ANK3: variants seen among roughly 807,000 people sequenced by gnomAD.
ANK3 encodes the protein ankyrin-3.
In ANK3, 57 loss-of-function variants were observed where a neutral mutation model predicts 370.9. That is an observed-to-expected ratio of 0.15 (90% CI 0.12 to 0.19). ANK3 has a LOEUF of 0.19. ANK3 is among the 10% of genes least tolerant of loss of function. The probability of loss-of-function intolerance (pLI) is 1.00; values close to 1 mark genes in which losing one functional copy is unlikely to be tolerated. For synonymous variants in ANK3, 1,929 were observed against 1,946.3 expected (o/e 0.99, Z 0.23); for missense variants, 4,439 against 5,302.1 (o/e 0.84, Z 5.06).
intron 1 of ANK3, among the ~76,000 whole-genome samples, chr10:60,381,328 C>A (rs2061519479): frequency 6.6e-6 from 1 of 152,002 alleles, no homozygotes. Context: ...AGCTTTAATA[C>A]CTGCCTCAGC....
At chr10:60,180,625 AC>A (rs2096144472) in intron 18 of ANK3, among the ~76,000 whole-genome samples, 1 of 72,094 alleles carries the variant, frequency 1.4e-5, no homozygotes, top group South Asian at 3.8e-4. Flanking sequence ...CAAAAAAAAA[AC>A]ATGTTAGAGT....
At chr10:60,152,863 T>C (rs1378785949) in intron 23 of ANK3, among the ~76,000 whole-genome samples, 1 of 152,146 alleles carries the variant, frequency 6.6e-6, no homozygotes, top group Admixed American at 6.5e-5. Flanking sequence ...CTATATATTC[T>C]TTTCCTTCCT....
Position 60,336,457 on chromosome 10 carries a change from C to A in ANK3, c.114+52968G>T, listed in dbSNP as rs2052920532. Among the ~76,000 whole-genome samples the A allele has an allele frequency of 2.6e-5, 4 of 152,128 alleles. No individual in the cohort carries two copies. In the East Asian group the frequency reaches 5.8e-4, roughly 22 times the overall value. ...CTCTTCTCCCAGTGCATTTTTCCTG[C>A]AGGAATGCATTTCTTTTTGCTAGGA... On this transcript the variant is annotated intron_variant, in intron 1 of 43. Transcript: ENST00000280772.
chr10:60,717,242 G>A (rs1296927490), intron 1 of ANK3, among the ~76,000 whole-genome samples: 1 of 151,808 alleles, frequency 6.6e-6, no homozygotes, highest in East Asian at 1.9e-4. Flanking sequence ...TAACCTATTA[G>A]AAGGAAGAAG....
At chr10:60,264,252 T>A (rs573581427) in intron 5 of ANK3, among the ~76,000 whole-genome samples, 1 of 152,276 alleles carries the variant, frequency 6.6e-6, no homozygotes, top group African/African-American at 2.4e-5. Flanking sequence ...TTTGGTTTTC[T>A]TTTCCATTAA....
At position 60,071,164 on chromosome 10, in the gene ANK3, G is replaced by A; in HGVS notation, c.9717C>T (p.Asp3239=). The change falls in exon 37 of 44, where the codon GAC becomes GAT. Residue 3239 remains aspartate (D), a synonymous_variant. Coordinates refer to ENST00000280772, the MANE Select transcript of ANK3 (RefSeq NM_020987.5). ...EREMPNDVSK[D]SNQRPKNNRV... ...TGTTATTTTTGGGTCTTTGGTTAGA[G>A]TCTTTGCTCACGTCATTAGGCATTT... 6.2e-7 allele frequency: 1 copy of A among 1,614,106 alleles called. No individual in the cohort carries two copies. The highest frequency in any genetic ancestry group is 8.5e-7 in the Non-Finnish European group (1 of 1,179,992).
intron 2 of ANK3, among the ~76,000 whole-genome samples, chr10:60,487,596 TC>T (rs201621068): frequency 0.017 from 2,578 of 152,180 alleles, 62 homozygotes; most frequent in Admixed American, 0.073. Flanking sequence ...TATCTCTGGG[TC>T]CCAGCAAAGA....
At chr10:60,511,360 C>T (rs1011768840) in intron 2 of ANK3, among the ~76,000 whole-genome samples, 9 of 151,970 alleles carry the variant, frequency 5.9e-5, no homozygotes, top group South Asian at 2.1e-4. Context: ...AAAATGAATG[C>T]GACTACAAAA....
chr10:60,435,285 A>G (rs1248516206), intron 2 of ANK3, among the ~76,000 whole-genome samples: 2 of 152,170 alleles, frequency 1.3e-5, no homozygotes, highest in South Asian at 4.1e-4. Context: ...ATTTGATGTA[A>G]ATGATATTTT....
intron 2 of ANK3, among the ~76,000 whole-genome samples, chr10:60,570,501 A>C (rs75512684): frequency 0.016 from 2,390 of 152,266 alleles, 53 homozygotes; most frequent in African/African-American, 0.054. Flanking sequence ...CATCAGAAGA[A>C]TGATTTAATT....
At chr10:60,477,510 CAG>C (rs1491016852) in intron 2 of ANK3, among the ~76,000 whole-genome samples, 6 of 132,090 alleles carry the variant, frequency 4.5e-5, no homozygotes, top group Admixed American at 8.0e-5. Context: ...GACAGACAGA[CAG>C]ACATACACAC....
At chr10:60,337,847 T>C (rs1030168637) in intron 1 of ANK3, among the ~76,000 whole-genome samples, 1 of 152,220 alleles carries the variant, frequency 6.6e-6, no homozygotes, top group Non-Finnish European at 1.5e-5. Flanking sequence ...GAAAAATATA[T>C]TATTGGAGTA....
chr10:60,289,177 A>G (rs1682401810), intron 1 of ANK3, among the ~76,000 whole-genome samples: 2 of 152,070 alleles, frequency 1.3e-5, no homozygotes, highest in African/African-American at 4.8e-5. Flanking sequence ...CTTCTAGTTT[A>G]ACATACAAGA....
intron 1 of ANK3, among the ~76,000 whole-genome samples, chr10:60,372,777 C>G (rs950330299): frequency 6.6e-6 from 1 of 152,140 alleles, no homozygotes; most frequent in Admixed American, 6.5e-5. Context: ...CTCTGCCCTT[C>G]GAAACCGATG....
chr10:60,333,288 C>G (rs964047005), intron 1 of ANK3, among the ~76,000 whole-genome samples: 6 of 152,090 alleles, frequency 3.9e-5, no homozygotes, highest in Admixed American at 3.3e-4. Flanking sequence ...TCCTAATGCT[C>G]TCCCTCCCCT....
chr10:60,038,256 G>C (rs573628362), intron 43 of ANK3, among the ~76,000 whole-genome samples: 3 of 152,264 alleles, frequency 2.0e-5, no homozygotes, highest in Admixed American at 2.0e-4. Context: ...AATTAGCGGG[G>C]CATGGTAGCA....
At chr10:60,369,416 C>T (rs1312739290) in intron 1 of ANK3, among the ~76,000 whole-genome samples, 1 of 152,148 alleles carries the variant, frequency 6.6e-6, no homozygotes, top group Non-Finnish European at 1.5e-5. Context: ...TTATATTCCC[C>T]ATTCTGACAA....
At chr10:60,357,854 C>T (rs2058008545) in intron 1 of ANK3, among the ~76,000 whole-genome samples, 1 of 152,106 alleles carries the variant, frequency 6.6e-6, no homozygotes, top group Non-Finnish European at 1.5e-5. Flanking sequence ...TGAATCTGTT[C>T]CAGGCACCCT....
intron 2 of ANK3, among the ~76,000 whole-genome samples, chr10:60,576,731 A>G (rs1353109979): frequency 6.6e-6 from 1 of 152,262 alleles, no homozygotes; most frequent in East Asian, 1.9e-4. Context: ...TAAAAGTGAA[A>G]GACAAATCCA....
Sources: allele counts gnomAD v4.1 joint callset (sites outside exome capture counted in the v4.1 genomes callset), GRCh38; gene constraint gnomAD v4.1.1; transcripts MANE v1.5; gene names NCBI Gene and HGNC (gene_info 2026-07-23, HGNC 2026-07-21).